GAD1: variants seen among roughly 807,000 people sequenced by gnomAD.
The protein encoded by GAD1 is glutamate decarboxylase 1, also known as 67 kDa glutamic acid decarboxylase.
Under a neutral mutation model 75.2 loss-of-function variants are expected in GAD1, and 35 were observed. The observed-to-expected ratio is 0.47, with a 90% CI of 0.36 to 0.62. The LOEUF is 0.62. Among genes scored for constraint, GAD1 ranks in the 20% least tolerant of loss-of-function variants. GAD1 has a pLI of 0.00. For missense variants in GAD1, 490 were observed against 758.5 expected, an observed-to-expected ratio of 0.65 and a Z score of 4.16; for synonymous variants, 257 against 271.9, an observed-to-expected ratio of 0.95 and a Z score of 0.54.
At chr2:170,836,094 C>T (rs1280633833) in intron 5 of GAD1, among the ~76,000 whole-genome samples, 2 of 151,140 alleles carry the variant, frequency 1.3e-5, no homozygotes, top group Non-Finnish European at 2.9e-5. Flanking sequence ...GCTCTCTGAC[C>T]GTTTTTGGTT....
chr2:170,845,056 C>A (rs1702600713), intron 7 of GAD1, among the ~76,000 whole-genome samples: 1 of 152,278 alleles, frequency 6.6e-6, no homozygotes, highest in Non-Finnish European at 1.5e-5. Context: ...GGCAGGTAAC[C>A]AAGAAATGTC....
chr2:170,832,689 C>CACACACACAT (rs1553576665), intron 5 of GAD1, among the ~76,000 whole-genome samples: 1 of 144,430 alleles, frequency 6.9e-6, no homozygotes, highest in African/African-American at 2.5e-5. Context: ...CACACACACA[C>CACACACACAT]ACACACATAC....
chr2:170,854,790 G>T (rs1702816643), intron 14 of GAD1, among the ~76,000 whole-genome samples: 2 of 152,140 alleles, frequency 1.3e-5, no homozygotes, highest in African/African-American at 4.8e-5. Context: ...CCCATTGTTT[G>T]TAGTTAATAC....
intron 3 of GAD1, among the ~76,000 whole-genome samples, chr2:170,826,750 A>G (rs1363929626): frequency 6.6e-6 from 1 of 152,176 alleles, no homozygotes; most frequent in African/African-American, 2.4e-5. Context: ...CGTCGGGGAC[A>G]ACAGAGTGGA....
In GAD1 at chr2:170,845,823, T is replaced by G. The variant is rs755325669; in HGVS notation, c.947+38T>G. The G allele has an allele frequency of 1.9e-6, 3 of 1,585,354 alleles. No individual in the cohort carries two copies. The South Asian group carries it at 3.3e-5, about 18-fold the overall frequency. On this transcript the variant is annotated intron_variant, in intron 9 of 16. Transcript: ENST00000358196. ...GGGTGAATATTAGGTTCTTGATGTA[T>G]TAAATGTGTTCATCTGTTAAATTTG...
At chr2:170,829,722 T>C (rs1309927922) in intron 4 of GAD1, 89 bp downstream of exon 4, 1 of 1,388,856 alleles carries the variant, frequency 7.2e-7, no homozygotes, top group Non-Finnish European at 1.0e-6. Flanking sequence ...ACTTCTTTTA[T>C]CAAGAAATGT....
intron 10 of GAD1, 80 bp downstream of exon 10, chr2:170,846,143 A>G: frequency 8.7e-7 from 1 of 1,145,444 alleles, no homozygotes; most frequent in Non-Finnish European, 1.3e-6. Flanking sequence ...CCTTGATAAT[A>G]TGAGACAATT....
chr2:170,829,977 C>A, intron 4 of GAD1: 1 of 319,882 alleles, frequency 3.1e-6, no homozygotes, highest in African/African-American at 2.2e-5. Flanking sequence ...GAAGATTGGC[C>A]ACACACATAC....
chr2:170,848,748 A>C (rs1702689656), intron 11 of GAD1: 1 of 518,912 alleles, frequency 1.9e-6, no homozygotes, highest in Non-Finnish European at 3.8e-6. Context: ...TGACTAACAA[A>C]GGCTGTGTCA....
intron 2 of GAD1, among the ~76,000 whole-genome samples, chr2:170,820,704 T>C (rs1385305089): frequency 6.6e-6 from 1 of 152,202 alleles, no homozygotes; most frequent in East Asian, 1.9e-4. Context: ...CCCGTCTCCC[T>C]TTCCCTTTCT....
chr2:170,817,262 C>A (rs994524086), intron 1 of GAD1: 4 of 125,814 alleles, frequency 3.2e-5, no homozygotes, highest in Admixed American at 1.0e-4. Flanking sequence ...CTCTTCTTAT[C>A]CCTGCCCTCC....
In GAD1 at chr2:170,831,291, C is replaced by T. The variant is rs1702216957; in HGVS notation, c.547+99C>T. On this transcript the variant is annotated intron_variant, in intron 5 of 16. Transcript: ENST00000358196. ...TCAAACTTGTGTTGGAAGAAAAACA[C>T]AGCCCTGGTGAGATAAGGCGGCAAA... 8 of 1,373,892 alleles carry T rather than the reference C, an allele frequency of 5.8e-6. No individual in the cohort carries two copies. The Admixed American group carries it at 1.2e-4, about 20-fold the overall frequency. The allele number at this position is 1,373,892 out of a possible 1,614,324, so 85.1% of individuals were successfully genotyped here.
chr2:170,853,650 G>A lies in GAD1; in HGVS notation c.1264-223G>A, dbSNP rs1419766616. On this transcript the variant is annotated intron_variant, in intron 13 of 16. Coordinates refer to ENST00000358196, the MANE Select transcript of GAD1 (RefSeq NM_000817.3). The surrounding 1 kb of genome is among the most constrained non-coding windows in gnomAD (Gnocchi z 4.1). ...CCCTTAGAGGGATGGCATCTGAGAC[G>A]GAAAGATCATCTTCTAATCAGAGAG... 3.2e-5 allele frequency: 17 copies of A among 530,928 alleles called. 2 individuals are homozygous for A. Among genetic ancestry groups the A allele is most frequent in the Admixed American group, 1.2e-4 (4 of 33,758 alleles). The allele number at this position is 530,928 out of a possible 1,614,324, so 32.9% of individuals were successfully genotyped here.
At position 170,818,269 on chromosome 2, in the gene GAD1, A is replaced by C. The variant is rs937046051; in HGVS notation, c.-63-260A>C. On this transcript the variant is annotated intron_variant, in intron 1 of 16. Transcript: ENST00000358196. The surrounding 1 kb of genome is among the most constrained non-coding windows in gnomAD (Gnocchi z 5.9). ...CCGCCTCGTCTCGGCGCTTCACTCC[A>C]GGTCGCGCCGATGCACCGCCAGACT... 23 of 208,754 alleles carry C rather than the reference A, an allele frequency of 1.1e-4. No individual in the cohort carries two copies. The highest frequency in any genetic ancestry group is 2.5e-4 in the South Asian group (5 of 20,134). 12.9% of individuals were successfully genotyped at this position (208,754 alleles called of 1,614,324 possible).
Position 170,842,818 on chromosome 2 carries a change from G to A in GAD1, c.639-1227G>A, listed in dbSNP as rs180744076. On this transcript the variant is annotated intron_variant, in intron 6 of 16. Transcript: ENST00000358196. ...TTACCTCCATGTGATTAATTTGACT[G>A]CTTTTTTCATCCACAATTAAAACTT... 3 of 1,207,328 alleles carry A rather than the reference G, an allele frequency of 2.5e-6. No individual in the cohort carries two copies. In the African/African-American group the frequency reaches 4.6e-5, roughly 19 times the overall value. The allele number at this position is 1,207,328 out of a possible 1,614,324, so 74.8% of individuals were successfully genotyped here.
chr2:170,820,792 C>G (rs1018638329), intron 2 of GAD1, among the ~76,000 whole-genome samples: 29 of 152,334 alleles, frequency 1.9e-4, no homozygotes, highest in African/African-American at 7.0e-4. Flanking sequence ...CCTTGGAAAA[C>G]TCATGTAACC....
intron 5 of GAD1, among the ~76,000 whole-genome samples, chr2:170,836,309 T>C (rs45508096): frequency 2.1e-3 from 321 of 152,298 alleles, no homozygotes; most frequent in Non-Finnish European, 2.9e-3. Flanking sequence ...GCAACAATCC[T>C]GAATTTGCTG....
At chr2:170,847,875 G>T in intron 11 of GAD1, 83 bp downstream of exon 11, 1 of 859,860 alleles carries the variant, frequency 1.2e-6, no homozygotes, top group Non-Finnish European at 2.0e-6. Context: ...TTCTCCCCAC[G>T]CCCCAGCCAG....
At chr2:170,843,839 C>T in intron 6 of GAD1, 2 of 571,364 alleles carry the variant, frequency 3.5e-6, no homozygotes, top group Non-Finnish European at 6.3e-6. Context: ...CTGGCACTTC[C>T]ACCACCTCTC....
Sources: allele counts gnomAD v4.1 joint callset (sites outside exome capture counted in the v4.1 genomes callset), GRCh38; gene constraint gnomAD v4.1.1; non-coding constraint Gnocchi (gnomAD v3.1); transcripts MANE v1.5; gene names NCBI Gene and HGNC (gene_info 2026-07-23, HGNC 2026-07-21).